Variants in RIC3 observed in about 807,000 individuals in gnomAD.
The protein encoded by RIC3 is RIC3 acetylcholine receptor chaperone.
Under a neutral mutation model 27.3 loss-of-function variants are expected in RIC3, and 28 were observed. That is an observed-to-expected ratio of 1.02 (90% CI 0.76 to 1.41). The LOEUF (loss-of-function observed/expected upper bound fraction) is 1.41. RIC3 is among the 40% of genes most tolerant of loss of function. The probability of loss-of-function intolerance (pLI) is 0.00; values close to 1 mark genes in which losing one functional copy is unlikely to be tolerated. For missense variants in RIC3, 501 were observed against 444.7 expected (o/e 1.13, Z -1.14); for synonymous variants, 184 against 160.4 (o/e 1.15, Z -1.11).
At chr11:8,167,304 C>T (rs950917956) in intron 1 of RIC3, among the ~76,000 whole-genome samples, 2 of 152,024 alleles carry the variant, frequency 1.3e-5, no homozygotes, top group Non-Finnish European at 2.9e-5. Context: ...ATAGTGATGC[C>T]TATCATGAAG....
At chr11:8,148,742 A>C (rs992905779) in intron 1 of RIC3, among the ~76,000 whole-genome samples, 2 of 152,214 alleles carry the variant, frequency 1.3e-5, no homozygotes, top group Non-Finnish European at 2.9e-5. Flanking sequence ...AATAGTTCCC[A>C]CATGGAACAA....
At position 8,111,205 on chromosome 11, in the gene RIC3, G is replaced by C. The variant is rs1945225937; in HGVS notation, c.671-68C>G. On this transcript the variant is annotated intron_variant, in intron 5 of 5. Transcript: ENST00000309737. ...TCAAAAAAAAAAAAAATAGTGTCAG[G>C]TTCAAAGAGGATTCTCAGGCAGCAG... 4 of 1,138,096 alleles carry C rather than the reference G, an allele frequency of 3.5e-6. No individual in the cohort carries two copies. In the East Asian group the frequency reaches 7.2e-5, roughly 20 times the overall value. 70.5% of individuals were successfully genotyped at this position (1,138,096 alleles called of 1,614,324 possible). A position where few individuals can be genotyped will look rare whatever the true frequency, so the allele number is the denominator to read the frequency against.
chr11:8,140,263 C>T, intron 1 of RIC3, 70 bp from the exon 2 acceptor site: 3 of 1,397,340 alleles, frequency 2.1e-6, no homozygotes, highest in Non-Finnish European at 9.7e-7. Flanking sequence ...AACACCAAAT[C>T]ATTAAGGTAT....
chr11:8,095,709 C>A, the RIC3 span: 1 of 1,543,234 alleles, frequency 6.5e-7, no homozygotes. Flanking sequence ...AACTCAGTCC[C>A]AGGTTCTCAG....
the RIC3 span, chr11:8,100,664 G>A: frequency 2.6e-6 from 4 of 1,564,058 alleles, no homozygotes; most frequent in Non-Finnish European, 2.6e-6. Context: ...GAGCTTCTAA[G>A]GGCAGAACTC....
chr11:8,146,093 A>G (rs1202895667), intron 1 of RIC3, among the ~76,000 whole-genome samples: 1 of 152,262 alleles, frequency 6.6e-6, no homozygotes, highest in African/African-American at 2.4e-5. Flanking sequence ...TTATAGACCT[A>G]TGTAAGAATG....
the RIC3 span, chr11:8,098,636 C>T: frequency 1.4e-6 from 1 of 717,292 alleles, no homozygotes. Context: ...GTATGCCTCC[C>T]TGGGCCTGCT....
At chr11:8,100,572 C>A in the RIC3 span, 8 of 1,614,140 alleles carry the variant, frequency 5.0e-6, no homozygotes, top group East Asian at 1.8e-4. Flanking sequence ...GAACATGGTT[C>A]ATGAGAGAGT....
intron 1 of RIC3, among the ~76,000 whole-genome samples, chr11:8,168,581 A>C (rs1951955870): frequency 6.6e-6 from 1 of 152,198 alleles, no homozygotes; most frequent in African/African-American, 2.4e-5. Flanking sequence ...GTAAGAGAGA[A>C]GGGACTGCGC....
At chr11:8,111,998 A>G (rs76299243) in intron 5 of RIC3, among the ~76,000 whole-genome samples, 2,045 of 152,344 alleles carry the variant, frequency 0.013, 53 homozygotes, top group African/African-American at 0.047. Context: ...CCATTTGCCC[A>G]TTATGATAAT....
chr11:8,168,750 C>G, intron 1 of RIC3, 116 bp downstream of exon 1: 2 of 1,411,560 alleles, frequency 1.4e-6, no homozygotes, highest in Non-Finnish European at 1.9e-6. Flanking sequence ...CCTCTCCAGT[C>G]AGTTTGGTGG....
chr11:8,097,917 T>C, the RIC3 span: 2 of 969,670 alleles, frequency 2.1e-6, no homozygotes, highest in Non-Finnish European at 3.2e-6. Context: ...CTGAAGGAGA[T>C]CTAGGCCAGG....
Position 8,111,073 on chromosome 11 carries a change from T to C in RIC3, c.735A>G (p.Thr245=), listed in dbSNP as rs1945199926. The change falls in exon 6 of 6, where the codon ACA becomes ACG. Residue 245 remains threonine, a synonymous_variant. Transcript: ENST00000309737. ...TTGGGTCAGGGTAATCCACCAAGAT[T>C]GTTTCTTGCCTACGCTTGATACAGT... The part of the protein sequence containing the change: ...LSDCIKRRQE[T]ILVDYPDPKE... 1.2e-6 allele frequency: 2 copies of C among 1,614,156 alleles called. No homozygotes were observed. The highest frequency in any genetic ancestry group is 4.5e-5 in the East Asian group (2 of 44,874).
chr11:8,127,570 G>A (rs560280395), intron 4 of RIC3, among the ~76,000 whole-genome samples: 3 of 152,314 alleles, frequency 2.0e-5, no homozygotes, highest in African/African-American at 4.8e-5. Flanking sequence ...AAAATAACAT[G>A]AGACTCAAGG....
At chr11:8,093,828 C>T in the RIC3 span, among the ~76,000 whole-genome samples, 1 of 152,166 alleles carries the variant, frequency 6.6e-6, no homozygotes, top group Non-Finnish European at 1.5e-5. Flanking sequence ...TTACACTGGG[C>T]TGGGGGTGCC....
At chr11:8,129,373 AG>A (rs1198916533) in intron 4 of RIC3, among the ~76,000 whole-genome samples, 1 of 152,060 alleles carries the variant, frequency 6.6e-6, no homozygotes, top group African/African-American at 2.4e-5. Flanking sequence ...TCTATAGAAA[AG>A]ATGTCCTAAT....
rs1450863195 is a variant in RIC3 at position 8,110,841 on chromosome 11, T to C, written c.967A>G (p.Ser323Gly). Residue 323 changes from serine to glycine, a missense_variant, in exon 6 of 6, where the codon AGT (serine) becomes GGT (glycine). Transcript: ENST00000309737. ...TCTTGCTCAGGGTAGCTATCTGCACTGAATCCAGCATTCTCTGCCAAGACA... is the reference window on the plus strand; with the variant it reads ...TCTTGCTCAGGGTAGCTATCTGCACCGAATCCAGCATTCTCTGCCAAGACA... Reference protein sequence around the residue: ...PAVLAENAGFSADSYPEQEET... With the variant: ...PAVLAENAGFGADSYPEQEET... The C allele has an allele frequency of 2.5e-6, 4 of 1,614,224 alleles. No individual in the cohort carries two copies. Among genetic ancestry groups the C allele is most frequent in the Non-Finnish European group, 3.4e-6 (4 of 1,180,036 alleles).
At chr11:8,114,606 CAA>C (rs58294024) in intron 5 of RIC3, among the ~76,000 whole-genome samples, 2 of 136,670 alleles carry the variant, frequency 1.5e-5, no homozygotes, top group Non-Finnish European at 1.5e-5. Context: ...AACTCCATCT[CAA>C]AAAAAAAAAA....
chr11:8,100,378 A>G, the RIC3 span: 1 of 737,342 alleles, frequency 1.4e-6, no homozygotes, highest in African/African-American at 1.7e-5. Flanking sequence ...GTTTAGAGGG[A>G]TGTGTGTTAG....
Sources: allele counts gnomAD v4.1 joint callset (sites outside exome capture counted in the v4.1 genomes callset), GRCh38; gene constraint gnomAD v4.1.1; transcripts MANE v1.5; gene names NCBI Gene and HGNC (gene_info 2026-07-23, HGNC 2026-07-21).